The following METTL24 variants were observed in gnomAD, a reference collection of about 807,000 sequenced individuals.
The protein encoded by METTL24 is methyltransferase like 24.
A neutral mutation model predicts 32.7 loss-of-function variants in METTL24; 29 were observed. The observed-to-expected ratio is 0.89, with a 90% CI of 0.66 to 1.21. METTL24 has a LOEUF of 1.21. Ranked by LOEUF, METTL24 falls within the 50% of genes most tolerant of loss-of-function variation. The probability of loss-of-function intolerance (pLI) is 0.00; values close to 1 mark genes in which losing one functional copy is unlikely to be tolerated. For missense variants in METTL24, 439 were observed against 468.1 expected (o/e 0.94, Z 0.57); for synonymous variants, 163 against 179.5 (o/e 0.91, Z 0.73).
At chr6:110,273,706 T>C (rs2114710836) in intron 4 of METTL24, among the ~76,000 whole-genome samples, 1 of 152,178 alleles carries the variant, frequency 6.6e-6, no homozygotes, top group South Asian at 2.1e-4. Flanking sequence ...TGGCAATAAT[T>C]TAAAAATTAA....
At chr6:110,253,872 T>C in intron 4 of METTL24, 1 of 1,420,540 alleles carries the variant, frequency 7.0e-7, no homozygotes, top group Non-Finnish European at 9.3e-7. Context: ...CTCTAAAATT[T>C]TCTCTCAAAC....
chr6:110,247,942 G>T (rs1044314181), intron 4 of METTL24, among the ~76,000 whole-genome samples: 47 of 152,260 alleles, frequency 3.1e-4, no homozygotes, highest in African/African-American at 1.1e-3. Flanking sequence ...GTGGGGTCTG[G>T]TGAGAGGTGT....
intron 4 of METTL24, among the ~76,000 whole-genome samples, chr6:110,286,642 C>A (rs1222444935): frequency 1.3e-5 from 2 of 152,124 alleles, no homozygotes; most frequent in African/African-American, 4.8e-5. Context: ...TAGAACACCT[C>A]AAAGAAAACA....
intron 4 of METTL24, among the ~76,000 whole-genome samples, chr6:110,249,434 G>GGGGGTTGCCCCCT (rs60599252): frequency 6.6e-6 from 1 of 151,540 alleles, no homozygotes; most frequent in African/African-American, 2.4e-5. Flanking sequence ...ATGCAGCCCA[G>GGGGGTTGCCCCCT]GGGGAGCACA....
At chr6:110,271,339 A>G (rs1195699225) in intron 4 of METTL24, among the ~76,000 whole-genome samples, 1 of 152,122 alleles carries the variant, frequency 6.6e-6, no homozygotes, top group Admixed American at 6.5e-5. Flanking sequence ...TCTGTCGCCC[A>G]GGCTGGAGTA....
chr6:110,289,757 T>G (rs1397765489), intron 4 of METTL24, among the ~76,000 whole-genome samples: 5 of 152,214 alleles, frequency 3.3e-5, no homozygotes, highest in Admixed American at 6.5e-5. Flanking sequence ...TCAAAAGATA[T>G]AGAGTACAGA....
chr6:110,262,682 A>T, intron 4 of METTL24, among the ~76,000 whole-genome samples: 1 of 152,312 alleles, frequency 6.6e-6, no homozygotes, highest in Admixed American at 6.5e-5. Flanking sequence ...AGAATTTTAG[A>T]GCAATATCCT....
intron 4 of METTL24, among the ~76,000 whole-genome samples, chr6:110,296,051 GC>G (rs1181077024): frequency 6.6e-6 from 1 of 151,940 alleles, no homozygotes; most frequent in Non-Finnish European, 1.5e-5. Context: ...TAAATGACTC[GC>G]CCAACGCCAA....
chr6:110,354,260 T>C (rs1257822511), intron 1 of METTL24, among the ~76,000 whole-genome samples: 2 of 152,192 alleles, frequency 1.3e-5, no homozygotes, highest in Non-Finnish European at 2.9e-5. Context: ...AAAGAAAGAA[T>C]TATATGAGGA....
rs34442447 is a variant in METTL24 at position 110,244,970 on chromosome 6, T to TTATCTATCTATCTATCTATCTATCTATC, written c.*948_*975dup. ...AAACATGCCAGTAGGAAAATCTATC[T>TTATCTATCTATCTATCTATCTATCTATC]TATCTATCTATCTATCTATCTATCT... On this transcript the variant is annotated 3_prime_UTR_variant, in exon 5 of 5. Coordinates refer to ENST00000338882, the MANE Select transcript of METTL24 (RefSeq NM_001123364.3). Among the ~76,000 whole-genome samples, 6 of 150,084 alleles carry TTATCTATCTATCTATCTATCTATCTATC rather than the reference T, an allele frequency of 4.0e-5. No individual in the cohort carries two copies. The highest frequency in any genetic ancestry group is 2.0e-4 in the East Asian group (1 of 5,074).
At chr6:110,301,483 C>A (rs539935310) in intron 3 of METTL24, among the ~76,000 whole-genome samples, 3 of 152,170 alleles carry the variant, frequency 2.0e-5, no homozygotes, top group East Asian at 3.9e-4. Flanking sequence ...AGATCCTAGG[C>A]CTTCAGTGCT....
Position 110,315,344 on chromosome 6 carries a change from T to A in METTL24, c.555A>T (p.Leu185Phe). Residue 185 changes from leucine (L) to phenylalanine (F), a missense_variant and splice_region_variant, in exon 3 of 5, where the codon TTA (leucine) becomes TTT (phenylalanine). Physicochemically the swap from Leu to Phe is conservative, Grantham distance 22. Coordinates refer to ENST00000338882, the MANE Select transcript of METTL24 (RefSeq NM_001123364.3). The part of the protein sequence containing the change: ...IRNKQCRLYS[L>F]GLGSDDTHFE... ...CTGCTGTAAAAAAATGTACTCACCC[T>A]AAGGAGTAGAGGCGGCACTGCTTGT... The A allele has an allele frequency of 6.2e-7, 1 of 1,614,182 alleles. No individual in the cohort carries two copies. The highest frequency in any genetic ancestry group is 8.5e-7 in the Non-Finnish European group (1 of 1,180,042).
chr6:110,264,396 G>T (rs1770813841), intron 4 of METTL24, among the ~76,000 whole-genome samples: 1 of 152,150 alleles, frequency 6.6e-6, no homozygotes, highest in East Asian at 1.9e-4. Flanking sequence ...GGCCATCAGA[G>T]AAATGCAAAT....
intron 4 of METTL24, among the ~76,000 whole-genome samples, chr6:110,281,602 T>A (rs1415732219): frequency 1.3e-5 from 2 of 149,296 alleles, no homozygotes; most frequent in African/African-American, 2.5e-5. Flanking sequence ...TGAGCCTAGA[T>A]CACACCACTG....
intron 1 of METTL24, among the ~76,000 whole-genome samples, chr6:110,333,559 T>C (rs759459471): frequency 6.6e-6 from 1 of 152,076 alleles, no homozygotes; most frequent in Non-Finnish European, 1.5e-5. Flanking sequence ...ATTCAAGTGA[T>C]TTCTCCTGCC....
chr6:110,306,504 A>T (rs1480370727), intron 3 of METTL24, among the ~76,000 whole-genome samples: 1 of 151,988 alleles, frequency 6.6e-6, no homozygotes, highest in Non-Finnish European at 1.5e-5. Context: ...ACATACACAT[A>T]TAAGTTAGTC....
intron 4 of METTL24, among the ~76,000 whole-genome samples, chr6:110,256,564 T>C (rs17071351): frequency 0.15 from 23,161 of 152,114 alleles, 1,892 homozygotes; most frequent in African/African-American, 0.23. Context: ...ACAGCAGGTA[T>C]GATATCCTAT....
At chr6:110,319,270 A>ATG (rs58600122) in intron 2 of METTL24, among the ~76,000 whole-genome samples, 2,394 of 148,560 alleles carry the variant, frequency 0.016, 23 homozygotes, top group East Asian at 0.054. Flanking sequence ...CTGTGTGTGT[A>ATG]TGTGTGTGTG....
intron 1 of METTL24, among the ~76,000 whole-genome samples, chr6:110,337,507 G>A (rs1156483905): frequency 6.6e-6 from 1 of 152,138 alleles, no homozygotes; most frequent in African/African-American, 2.4e-5. Context: ...CTTTCCCAAT[G>A]CCACACCATC....
Sources: allele counts gnomAD v4.1 joint callset (sites outside exome capture counted in the v4.1 genomes callset), GRCh38; gene constraint gnomAD v4.1.1; transcripts MANE v1.5; gene names NCBI Gene and HGNC (gene_info 2026-07-23, HGNC 2026-07-21).